CHIC2: variants seen among roughly 807,000 people sequenced by gnomAD.
CHIC2 encodes cysteine rich hydrophobic domain 2.
Under a neutral mutation model 25.9 loss-of-function variants are expected in CHIC2, and 14 were observed. The observed-to-expected ratio is 0.54, with a 90% CI of 0.36 to 0.85. The LOEUF (loss-of-function observed/expected upper bound fraction) is 0.85. Ranked by LOEUF, CHIC2 falls within the 40% of genes least tolerant of loss-of-function variation. The pLI is 0.01. For missense variants in CHIC2, 146 were observed against 202.0 expected, an observed-to-expected ratio of 0.72 and a Z score of 1.68; for synonymous variants, 70 against 72.0, an observed-to-expected ratio of 0.97 and a Z score of 0.14.
At chr4:54,047,029 C>T (rs1398161821) in intron 3 of CHIC2, among the ~76,000 whole-genome samples, 8 of 152,084 alleles carry the variant, frequency 5.3e-5, no homozygotes, top group Non-Finnish European at 1.0e-4. Context: ...ATTTATGCAG[C>T]CAAAAAACAC....
intron 1 of CHIC2, among the ~76,000 whole-genome samples, chr4:54,055,214 T>C (rs1717138761): frequency 6.6e-6 from 1 of 151,994 alleles, no homozygotes; most frequent in Non-Finnish European, 1.5e-5. Flanking sequence ...GCTCAAGTGA[T>C]CTTTCTGCCT....
the CHIC2 span, among the ~76,000 whole-genome samples, chr4:54,078,796 T>G: frequency 1.3e-5 from 2 of 152,094 alleles, no homozygotes; most frequent in African/African-American, 4.8e-5. Flanking sequence ...ATTACATAAG[T>G]GAGCCACCGT....
intron 3 of CHIC2, among the ~76,000 whole-genome samples, chr4:54,029,058 G>A (rs1716144070): frequency 6.6e-6 from 1 of 151,326 alleles, no homozygotes; most frequent in African/African-American, 2.4e-5. Context: ...GGGAGGTGGA[G>A]ATTGCAGTGA....
At chr4:54,089,646 C>T in the CHIC2 span, among the ~76,000 whole-genome samples, 1 of 152,128 alleles carries the variant, frequency 6.6e-6, no homozygotes, top group East Asian at 1.9e-4. Context: ...TGAAAATATT[C>T]CCTTCCATTT....
At chr4:54,071,408 G>A in the CHIC2 span, among the ~76,000 whole-genome samples, 2 of 152,218 alleles carry the variant, frequency 1.3e-5, no homozygotes, top group Non-Finnish European at 2.9e-5. Context: ...AGCCTTATAA[G>A]CCTTGTAAAC....
chr4:54,043,670 G>C (rs1177964923), intron 3 of CHIC2, among the ~76,000 whole-genome samples: 4 of 152,194 alleles, frequency 2.6e-5, no homozygotes, highest in Middle Eastern at 6.8e-3. Flanking sequence ...ACATGGAAAG[G>C]AACAACTGGT....
At chr4:54,087,740 G>T in the CHIC2 span, 2 of 507,834 alleles carry the variant, frequency 3.9e-6, no homozygotes, top group South Asian at 4.5e-5. Context: ...TTTACTGGCG[G>T]TGATTACAAA....
intron 3 of CHIC2, among the ~76,000 whole-genome samples, chr4:54,024,946 C>T (rs2110066659): frequency 6.6e-6 from 1 of 152,280 alleles, no homozygotes; most frequent in South Asian, 2.1e-4. Context: ...CTTCCTTCAA[C>T]TTAACCTCTC....
At chr4:54,089,216 T>A in the CHIC2 span, among the ~76,000 whole-genome samples, 1 of 152,168 alleles carries the variant, frequency 6.6e-6, no homozygotes. Flanking sequence ...AGAACCTAGA[T>A]CTGCAATCGG....
chr4:54,048,928 T>C (rs1220493796), intron 3 of CHIC2, 27 bp downstream of exon 3: 1 of 1,487,168 alleles, frequency 6.7e-7, no homozygotes, highest in Non-Finnish European at 8.9e-7. Flanking sequence ...CTTCTAAATT[T>C]AAATTAAAAT....
At chr4:54,089,414 T>TATATATAC in the CHIC2 span, among the ~76,000 whole-genome samples, 1 of 117,816 alleles carries the variant, frequency 8.5e-6, no homozygotes, top group African/African-American at 3.0e-5. Flanking sequence ...TATATATATA[T>TATATATAC]ACACACACAT....
intron 3 of CHIC2, among the ~76,000 whole-genome samples, chr4:54,040,743 C>G (rs1455390817): frequency 7.0e-6 from 1 of 142,708 alleles, no homozygotes; most frequent in Non-Finnish European, 1.5e-5. Flanking sequence ...CTGGGTGTGG[C>G]TGCAGGTGCC....
At chr4:54,070,186 A>C in the CHIC2 span, among the ~76,000 whole-genome samples, 1 of 152,192 alleles carries the variant, frequency 6.6e-6, no homozygotes, top group Non-Finnish European at 1.5e-5. Context: ...AGTAGAAAAG[A>C]GCACAGCTCA....
intron 3 of CHIC2, among the ~76,000 whole-genome samples, chr4:54,048,138 G>A (rs908035814): frequency 2.6e-5 from 4 of 151,952 alleles, no homozygotes; most frequent in African/African-American, 7.3e-5. Context: ...ACAGGCACCC[G>A]CCACCACGCC....
At chr4:54,028,841 T>A (rs1560385832) in intron 3 of CHIC2, among the ~76,000 whole-genome samples, 1 of 152,182 alleles carries the variant, frequency 6.6e-6, no homozygotes, top group African/African-American at 2.4e-5. Flanking sequence ...AAGTCAAACA[T>A]CGACTGGGCG....
chr4:54,090,152 T>G, the CHIC2 span, among the ~76,000 whole-genome samples: 1 of 152,046 alleles, frequency 6.6e-6, no homozygotes, highest in East Asian at 1.9e-4. Context: ...GGATACTCAA[T>G]CTGTATAAAT....
chr4:54,010,021 C>T lies in CHIC2; in HGVS notation c.*74G>A. ...TTCTGTAGAACCAATGTTATGTCACCACCAGGAGAGCACCAAGCAAGGCAC... is the reference window on the plus strand; with the variant it reads ...TTCTGTAGAACCAATGTTATGTCACTACCAGGAGAGCACCAAGCAAGGCAC... On this transcript the variant is annotated 3_prime_UTR_variant, in exon 6 of 6. Coordinates refer to ENST00000263921, the MANE Select transcript of CHIC2 (RefSeq NM_012110.4). 1.0e-6 allele frequency: 1 copy of T among 982,870 alleles called. No individual in the cohort carries two copies. The highest frequency in any genetic ancestry group is 2.5e-5 in the East Asian group (1 of 40,142). 60.9% of individuals were successfully genotyped at this position (982,870 alleles called of 1,614,324 possible).
At chr4:54,052,572 T>C (rs1717034356) in intron 1 of CHIC2, among the ~76,000 whole-genome samples, 1 of 152,210 alleles carries the variant, frequency 6.6e-6, no homozygotes, top group Non-Finnish European at 1.5e-5. Flanking sequence ...AGTAGGAAGC[T>C]GAACCCCCTT....
In CHIC2 at chr4:54,020,940, T is replaced by C. The variant is rs538183309; in HGVS notation, c.331-6821A>G. ...CCACATTCCCATGGTGGCAAGTCAATTGCGGGGATGCCTGCTTTGGCTCCT... is the reference window on the plus strand; with the variant it reads ...CCACATTCCCATGGTGGCAAGTCAACTGCGGGGATGCCTGCTTTGGCTCCT... On this transcript the variant is annotated intron_variant, in intron 3 of 5. Transcript: ENST00000263921. Among the ~76,000 whole-genome samples the C allele has an allele frequency of 7.2e-5, 11 of 152,240 alleles. 1 individual carries two copies. In the South Asian group the frequency reaches 1.4e-3, roughly 20 times the overall value.
Sources: gnomAD v4.1 joint callset for allele counts (sites outside exome capture counted in the v4.1 genomes callset) on GRCh38, gnomAD v4.1.1 for gene constraint, MANE v1.5 for transcripts, NCBI Gene and HGNC (gene_info 2026-07-23, HGNC 2026-07-21) for gene names.